The following GLIS3 variants were observed in gnomAD, a reference collection of about 807,000 sequenced individuals.
GLIS3 encodes zinc finger protein GLIS3.
In GLIS3, 53 loss-of-function variants were observed where a neutral mutation model predicts 78.6. The ratio of observed to expected loss-of-function variants is 0.67; its 90% CI spans 0.54 to 0.85. The LOEUF is 0.85. GLIS3 is among the 40% of genes least tolerant of loss of function. GLIS3 has a pLI of 0.00. For missense variants in GLIS3, 1,703 were observed against 1,231.1 expected (o/e 1.38, Z -5.74); for synonymous variants, 684 against 509.9 (o/e 1.34, Z -4.60).
intron 2 of GLIS3, among the ~76,000 whole-genome samples, chr9:4,311,649 A>T (rs974492077): frequency 2.0e-5 from 3 of 151,876 alleles, no homozygotes; most frequent in Non-Finnish European, 4.4e-5. Context: ...CAACAGCAAC[A>T]TGGTGGCCCT....
At chr9:4,192,893 G>C (rs963052450) in intron 2 of GLIS3, among the ~76,000 whole-genome samples, 1 of 152,148 alleles carries the variant, frequency 6.6e-6, no homozygotes, top group African/African-American at 2.4e-5. Flanking sequence ...CAGGAAGGGA[G>C]GTCAAGGCCT....
In GLIS3 at chr9:4,117,998, C is replaced by T. The variant is rs768035189; in HGVS notation, c.1480G>A (p.Asp494Asn). 40 of 1,610,452 alleles carry T rather than the reference C, an allele frequency of 2.5e-5. No individual in the cohort carries two copies. Among genetic ancestry groups the T allele is most frequent in the Admixed American group, 8.3e-5 (5 of 59,996 alleles). ...CAGCAATGCTTGCCCCCGATGCCGT[C>T]CATCTCCCCGTCGTCGTCCAGGGTG... ...QATLDDDGEMDGIGGKHCCRW... is the reference protein window; with the variant it reads ...QATLDDDGEMNGIGGKHCCRW... Residue 494 changes from aspartate (D) to asparagine (N), a missense_variant, in exon 4 of 11, where the codon GAC (aspartate) becomes AAC (asparagine). Transcript: ENST00000381971.
intron 4 of GLIS3, among the ~76,000 whole-genome samples, chr9:4,042,700 C>T (rs541812568): frequency 6.6e-6 from 1 of 152,108 alleles, no homozygotes; most frequent in African/African-American, 2.4e-5. Context: ...GCCACTATAA[C>T]AAAACAAAAC....
intron 4 of GLIS3, among the ~76,000 whole-genome samples, chr9:4,068,834 A>ATGTGTG (rs56232754): frequency 2.7e-5 from 4 of 149,700 alleles, no homozygotes; most frequent in Admixed American, 6.7e-5. Flanking sequence ...GCATGTATGC[A>ATGTGTG]TGTGTGTGTG....
rs138728219 is a variant in GLIS3, at chr9:4,133,825, TACACAC to T, written c.389-7890_389-7885del. Among the ~76,000 whole-genome samples the T allele has an allele frequency of 2.5e-3, 300 of 121,790 alleles. 2 individuals carry two copies. In the South Asian group the frequency reaches 0.026, roughly 11 times the overall value. 79.9% of individuals were successfully genotyped at this position (121,790 alleles called of 152,430 possible). A position where few individuals can be genotyped will look rare whatever the true frequency, so the allele number is the denominator to read the frequency against. On this transcript the variant is annotated intron_variant, in intron 2 of 10. Transcript: ENST00000381971. ...TGATGCCTTCCTGCCCAAGACCTTCTACACACACACACACACACACACACACACACA... is the reference window on the plus strand; with the variant it reads ...TGATGCCTTCCTGCCCAAGACCTTCTACACACACACACACACACACACACA...
At chr9:3,955,692 A>G (rs1817054063) in intron 4 of GLIS3, among the ~76,000 whole-genome samples, 1 of 152,212 alleles carries the variant, frequency 6.6e-6, no homozygotes, top group Non-Finnish European at 1.5e-5. Flanking sequence ...GCAAAATGTC[A>G]GATTAATTTT....
intron 2 of GLIS3, among the ~76,000 whole-genome samples, chr9:4,149,219 G>C (rs1834475675): frequency 6.6e-6 from 1 of 152,202 alleles, no homozygotes; most frequent in Non-Finnish European, 1.5e-5. Flanking sequence ...CTTGGTGCCA[G>C]AGGAGGATGC....
chr9:4,125,654 G>C, intron 3 of GLIS3, 80 bp downstream of exon 3: 1 of 890,502 alleles, frequency 1.1e-6, no homozygotes, highest in Non-Finnish European at 1.9e-6. Context: ...GTGTGTGTGT[G>C]TATTCAGAAA....
chr9:4,240,841 C>T (rs1332890960), intron 2 of GLIS3, among the ~76,000 whole-genome samples: 2 of 151,874 alleles, frequency 1.3e-5, no homozygotes, highest in African/African-American at 2.4e-5. Context: ...TGCACATGTA[C>T]CCCTGAAATT....
At chr9:4,288,795 A>T (rs893734730) in intron 1 of GLIS3, among the ~76,000 whole-genome samples, 1 of 152,234 alleles carries the variant, frequency 6.6e-6, no homozygotes, top group African/African-American at 2.4e-5. Context: ...ACAGCCAGAA[A>T]GTAAAGTGAT....
At chr9:4,403,465 G>A in the GLIS3 span, among the ~76,000 whole-genome samples, 4 of 152,124 alleles carry the variant, frequency 2.6e-5, no homozygotes, top group African/African-American at 7.2e-5. Flanking sequence ...CAAGTAGAAA[G>A]ACTAAATGAT....
chr9:4,310,435 A>T (rs989789769), exon 3 of GLIS3: 2 of 152,074 alleles, frequency 1.3e-5, no homozygotes, highest in Non-Finnish European at 2.9e-5. Flanking sequence ...TGCCTCTCCA[A>T]TCTGCCCGAG....
chr9:4,415,317 A>T, the GLIS3 span, among the ~76,000 whole-genome samples: 1 of 152,206 alleles, frequency 6.6e-6, no homozygotes, highest in Admixed American at 6.5e-5. Context: ...CAGTCCTGGC[A>T]GGGTAAATAC....
intron 4 of GLIS3, among the ~76,000 whole-genome samples, chr9:3,971,842 G>A (rs1426859592): frequency 6.6e-6 from 1 of 152,166 alleles, no homozygotes; most frequent in Non-Finnish European, 1.5e-5. Flanking sequence ...TGGAAAGAAA[G>A]GAGTTGACTC....
At chr9:3,870,201 A>C (rs1362506032) in intron 8 of GLIS3, among the ~76,000 whole-genome samples, 1 of 152,172 alleles carries the variant, frequency 6.6e-6, no homozygotes, top group Non-Finnish European at 1.5e-5. Context: ...TACCTGTGAG[A>C]CTACAAAATT....
intron 2 of GLIS3, among the ~76,000 whole-genome samples, chr9:4,198,943 A>C (rs1194232300): frequency 6.6e-6 from 1 of 152,228 alleles, no homozygotes; most frequent in Non-Finnish European, 1.5e-5. Context: ...CCAGCCAAGA[A>C]TTTCATATCC....
intron 4 of GLIS3, among the ~76,000 whole-genome samples, chr9:4,089,320 C>G (rs1008996519): frequency 1.3e-5 from 2 of 151,956 alleles, no homozygotes; most frequent in African/African-American, 2.4e-5. Flanking sequence ...GATGTCTAAA[C>G]AGTCTCATCT....
the GLIS3 span, among the ~76,000 whole-genome samples, chr9:4,367,297 G>T: frequency 1.3e-5 from 2 of 152,058 alleles, no homozygotes; most frequent in Non-Finnish European, 2.9e-5. Context: ...ACACTTGATT[G>T]CTGCCCCTGT....
intron 4 of GLIS3, among the ~76,000 whole-genome samples, chr9:4,105,933 G>A (rs1830716991): frequency 6.6e-6 from 1 of 152,080 alleles, no homozygotes; most frequent in Non-Finnish European, 1.5e-5. Context: ...CTAGGCTGCT[G>A]GGGGAAATAC....
Sources: allele counts gnomAD v4.1 joint callset (sites outside exome capture counted in the v4.1 genomes callset), GRCh38; gene constraint gnomAD v4.1.1; transcripts MANE v1.5; gene names NCBI Gene and HGNC (gene_info 2026-07-23, HGNC 2026-07-21).